The following SUMF1 variants were observed in gnomAD, a reference collection of about 807,000 sequenced individuals.
SUMF1 encodes the protein sulfatase modifying factor 1.
A neutral mutation model predicts 47.6 loss-of-function variants in SUMF1; 48 were observed. That is an observed-to-expected ratio of 1.01 (90% CI 0.80 to 1.28). The LOEUF (loss-of-function observed/expected upper bound fraction) is 1.28. SUMF1 is among the 50% of genes most tolerant of loss of function. SUMF1 has a pLI of 0.00. For synonymous variants in SUMF1, 230 were observed against 192.1 expected (o/e 1.20, Z -1.63); for missense variants, 571 against 485.4 (o/e 1.18, Z -1.66).
At chr3:4,466,408 G>T (rs1280848741) in intron 1 of SUMF1, among the ~76,000 whole-genome samples, 2 of 152,154 alleles carry the variant, frequency 1.3e-5, no homozygotes, top group Admixed American at 1.3e-4. Context: ...CACCGCGCCC[G>T]GCCAGTAAGT....
intron 1 of SUMF1, among the ~76,000 whole-genome samples, chr3:4,465,714 A>G (rs969351365): frequency 3.3e-5 from 5 of 152,172 alleles, no homozygotes; most frequent in African/African-American, 1.2e-4. Context: ...TCAACCTCCT[A>G]CACTCTACAC....
At chr3:4,248,328 G>A (rs1696715607) in intron 8 of SUMF1, among the ~76,000 whole-genome samples, 1 of 152,166 alleles carries the variant, frequency 6.6e-6, no homozygotes, top group Non-Finnish European at 1.5e-5. Flanking sequence ...CACTTAAGGA[G>A]GGGGAGAAAA....
intron 1 of SUMF1, among the ~76,000 whole-genome samples, chr3:4,458,626 C>A (rs530967486): frequency 6.6e-6 from 1 of 152,218 alleles, no homozygotes; most frequent in Admixed American, 6.5e-5. Flanking sequence ...GAGGCCGAGG[C>A]AAGGGGATCA....
chr3:4,289,051 C>T (rs996073678), intron 8 of SUMF1, among the ~76,000 whole-genome samples: 1 of 152,188 alleles, frequency 6.6e-6, no homozygotes, highest in Non-Finnish European at 1.5e-5. Flanking sequence ...TAATTTGCTC[C>T]TGGTGGGCAG....
rs921874212 is a variant in SUMF1, at chr3:4,154,207, G to A, written c.1015-85462C>T. ...GGGCAGAGCTACTCCAGAAAGAACT[G>A]GCAGCATGGAGAAAGGCATGATGGT... On this transcript the variant is annotated intron_variant and NMD_transcript_variant, in intron 8 of 12. Transcript: ENST00000448413. 4.1e-4 allele frequency among the ~76,000 whole-genome samples: 62 copies of A among 151,552 alleles called. 2 individuals are homozygous for A. The highest frequency in any genetic ancestry group is 1.4e-3 in the African/African-American group (59 of 40,906).
chr3:4,253,546 T>C (rs1696859484), intron 8 of SUMF1, among the ~76,000 whole-genome samples: 1 of 151,344 alleles, frequency 6.6e-6, no homozygotes, highest in Non-Finnish European at 1.5e-5. Context: ...ATATTGCGCT[T>C]TTCAGACCGG....
intron 8 of SUMF1, among the ~76,000 whole-genome samples, chr3:4,234,266 T>A (rs1355065978): frequency 2.0e-5 from 3 of 151,800 alleles, no homozygotes; most frequent in Non-Finnish European, 2.9e-5. Context: ...TATTTATATT[T>A]TATAGAAATA....
At chr3:4,425,367 A>G (rs1177506052) in intron 3 of SUMF1, among the ~76,000 whole-genome samples, 1 of 152,226 alleles carries the variant, frequency 6.6e-6, no homozygotes, top group Non-Finnish European at 1.5e-5. Flanking sequence ...TTAGAAAAGT[A>G]CCTGGTACAG....
At chr3:4,104,601 G>A (rs1429058917) in intron 8 of SUMF1, among the ~76,000 whole-genome samples, 5 of 151,722 alleles carry the variant, frequency 3.3e-5, no homozygotes, top group Admixed American at 6.6e-5. Flanking sequence ...CACCCTGCTG[G>A]GCCACCTCAG....
rs570332468 is a variant in SUMF1, at chr3:4,099,723, C to T, written c.1015-30978G>A. On this transcript the variant is annotated intron_variant and NMD_transcript_variant, in intron 8 of 12. Coordinates refer to the SUMF1 transcript ENST00000448413. ...ATAGAAAATCCTAAAGACTCCACAC[C>T]CAAAACCTACTAGAACTGATAAAAG... is the stretch of plus-strand genomic sequence containing the variant. Among the ~76,000 whole-genome samples the T allele has an allele frequency of 2.0e-5, 3 of 151,892 alleles. No individual in the cohort carries two copies. The East Asian group carries it at 5.8e-4, about 29-fold the overall frequency.
chr3:4,378,733 C>T (rs1192886007), intron 7 of SUMF1, among the ~76,000 whole-genome samples: 3 of 152,220 alleles, frequency 2.0e-5, no homozygotes, highest in Admixed American at 6.5e-5. Flanking sequence ...TGGCCACACT[C>T]TCCTACACTG....
rs813811 is a variant in SUMF1 at position 4,411,053 on chromosome 3, G to A, written c.841-75C>T. 0.66 allele frequency: 740,188 copies of A among 1,129,592 alleles called. 245,767 individuals carry two copies. Among genetic ancestry groups the A allele is most frequent in the Non-Finnish European group, 0.69 (507,273 of 740,134 alleles). The allele number at this position is 1,129,592 out of a possible 1,614,324, so 70.0% of individuals were successfully genotyped here. ...AAAACATCTTCAGTGCAGAAATGCA[G>A]CAAGAGCTTTAATTTCAGAGTATGA... On this transcript the variant is annotated intron_variant, in intron 6 of 8. Transcript: ENST00000272902.
chr3:4,320,141 A>G (rs139602108), intron 8 of SUMF1, among the ~76,000 whole-genome samples: 1 of 152,192 alleles, frequency 6.6e-6, no homozygotes. Context: ...AATTTTATGT[A>G]AACAATTTTA....
intron 6 of SUMF1, among the ~76,000 whole-genome samples, chr3:4,416,491 T>TA (rs896288953): frequency 1.3e-5 from 2 of 152,154 alleles, no homozygotes; most frequent in African/African-American, 4.8e-5. Context: ...ATGCAATATG[T>TA]AAAAAAATAT....
intron 8 of SUMF1, among the ~76,000 whole-genome samples, chr3:4,078,070 C>A (rs573986022): frequency 6.6e-6 from 1 of 152,044 alleles, no homozygotes; most frequent in Non-Finnish European, 1.5e-5. Flanking sequence ...TTGGCAAGAG[C>A]GCAGCTTCCC....
intron 8 of SUMF1, among the ~76,000 whole-genome samples, chr3:4,347,506 T>G (rs1254979783): frequency 4.6e-5 from 7 of 152,178 alleles, no homozygotes; most frequent in Non-Finnish European, 5.9e-5. Flanking sequence ...AAACTCTCAA[T>G]AAACTAGGTA....
intron 8 of SUMF1, among the ~76,000 whole-genome samples, chr3:4,073,785 C>A (rs1319919318): frequency 6.6e-6 from 1 of 152,116 alleles, no homozygotes; most frequent in Admixed American, 6.6e-5. Context: ...ACAAGAAGAG[C>A]TAACTATCCT....
chr3:4,458,780 T>C (rs2262392), intron 1 of SUMF1, among the ~76,000 whole-genome samples: 144,649 of 152,182 alleles, frequency 0.95, 69,193 homozygotes, highest in East Asian at 1. Flanking sequence ...GGCGTGAACC[T>C]GGGAGGCGGA....
intron 8 of SUMF1, among the ~76,000 whole-genome samples, chr3:4,346,748 G>A (rs1182440450): frequency 6.6e-6 from 1 of 151,876 alleles, no homozygotes; most frequent in Non-Finnish European, 1.5e-5. Context: ...CCATGAGCTG[G>A]TTTTTTGAAA....
Sources: gnomAD v4.1 joint callset for allele counts (sites outside exome capture counted in the v4.1 genomes callset) on GRCh38, gnomAD v4.1.1 for gene constraint, MANE v1.5 for transcripts, NCBI Gene and HGNC (gene_info 2026-07-23, HGNC 2026-07-21) for gene names.